The following RELCH variants were observed in gnomAD, a reference collection of about 807,000 sequenced individuals.
The protein encoded by RELCH is RAB11-binding protein RELCH.
Under a neutral mutation model 150.3 loss-of-function variants are expected in RELCH, and 41 were observed. The ratio of observed to expected loss-of-function variants is 0.27; its 90% CI spans 0.21 to 0.35. The LOEUF is 0.35. Ranked by LOEUF, RELCH falls within the 10% of genes least tolerant of loss-of-function variation. RELCH has a pLI of 1.00. For synonymous variants in RELCH, 478 were observed against 531.8 expected (o/e 0.90, Z 1.39); for missense variants, 1,092 against 1,467.8 (o/e 0.74, Z 4.18).
At chr18:62,252,051 A>G (rs1490262233) in intron 11 of RELCH, among the ~76,000 whole-genome samples, 4 of 151,766 alleles carry the variant, frequency 2.6e-5, no homozygotes, top group African/African-American at 9.7e-5. Context: ...GCTGGGGTGC[A>G]GTGGCGCTAT....
At chr18:62,218,107 T>C (rs1003413115) in intron 2 of RELCH, among the ~76,000 whole-genome samples, 2 of 151,912 alleles carry the variant, frequency 1.3e-5, no homozygotes, top group African/African-American at 4.8e-5. Context: ...CTTATGAAAA[T>C]TGAAAAGAGA....
chr18:62,217,302 A>AT (rs1171355052), intron 2 of RELCH, among the ~76,000 whole-genome samples: 4 of 151,974 alleles, frequency 2.6e-5, no homozygotes, highest in African/African-American at 9.7e-5. Flanking sequence ...TTTCTGTATG[A>AT]TTTTTCAGTC....
Position 62,187,294 on chromosome 18 carries a change from G to A in RELCH, c.-212G>A, listed in dbSNP as rs1023779421. On this transcript the variant is annotated 5_prime_UTR_variant, in exon 1 of 29. Coordinates refer to ENST00000644646, the MANE Select transcript of RELCH (RefSeq NM_001346231.2). ...TGGAGACCAGGAAGACGCCTGCAGA[G>A]CCGGGCTGCTGGTGCAGCAGAGGCT... 9 of 394,886 alleles carry A rather than the reference G, an allele frequency of 2.3e-5. No individual in the cohort carries two copies. The highest frequency in any genetic ancestry group is 4.0e-5 in the Non-Finnish European group (9 of 222,614). The allele number at this position is 394,886 out of a possible 1,614,324, so 24.5% of individuals were successfully genotyped here. A position where few individuals can be genotyped will look rare whatever the true frequency, so the allele number is the denominator to read the frequency against.
intron 5 of RELCH, among the ~76,000 whole-genome samples, chr18:62,225,869 A>G (rs1265277524): frequency 6.6e-6 from 1 of 151,828 alleles, no homozygotes; most frequent in Non-Finnish European, 1.5e-5. Flanking sequence ...TTTTATATAC[A>G]TTTAATTTAT....
intron 1 of RELCH, among the ~76,000 whole-genome samples, chr18:62,188,500 A>C (rs913705568): frequency 6.6e-6 from 1 of 152,228 alleles, no homozygotes; most frequent in Non-Finnish European, 1.5e-5. Flanking sequence ...AGATGTACTT[A>C]AGACCCTTTG....
intron 15 of RELCH, among the ~76,000 whole-genome samples, chr18:62,260,193 C>CAAAAAAAAAAAAAAAAAAAAAAAAAAAA (rs377119786): frequency 1.0e-5 from 1 of 95,810 alleles, no homozygotes; most frequent in African/African-American, 4.1e-5. Context: ...AACTCAACAG[C>CAAAAAAAAAAAAAAAAAAAAAAAAAAAA]AAAAAAAAAA....
intron 2 of RELCH, among the ~76,000 whole-genome samples, chr18:62,213,930 G>C (rs970505655): frequency 2.0e-4 from 30 of 151,994 alleles, no homozygotes; most frequent in African/African-American, 7.0e-4. Flanking sequence ...AATGCTTTTT[G>C]AGAGACAATG....
At chr18:62,278,840 A>G (rs2144915207) in intron 22 of RELCH, among the ~76,000 whole-genome samples, 1 of 152,284 alleles carries the variant, frequency 6.6e-6, no homozygotes, top group Non-Finnish European at 1.5e-5. Context: ...AGTTCTACTC[A>G]TCTTTTTTAT....
chr18:62,282,506 T>C, intron 25 of RELCH, 62 bp downstream of exon 25: 8 of 1,508,382 alleles, frequency 5.3e-6, no homozygotes, highest in Non-Finnish European at 7.3e-6. Context: ...TAGACACTCC[T>C]CTGAGGCCTT....
At chr18:62,302,940 C>T (rs2045730127) in intron 28 of RELCH, among the ~76,000 whole-genome samples, 1 of 152,120 alleles carries the variant, frequency 6.6e-6, no homozygotes, top group Non-Finnish European at 1.5e-5. Flanking sequence ...TGAAAACTTC[C>T]AGTGAGGATA....
At position 62,282,382 on chromosome 18, in the gene RELCH, C is replaced by T; in HGVS notation, c.3191C>T (p.Thr1064Ile). ...TATCAAGACCAACATTCTTTGCATA[C>T]AGAGATCATAAAAACATTTGGTAGA... Reference protein sequence around the residue: ...PQYQDQHSLHTEIIKTFGRVG... With the variant: ...PQYQDQHSLHIEIIKTFGRVG... The change falls in exon 25 of 29, where the codon ACA (threonine) becomes ATA (isoleucine). Residue 1064 changes from threonine to isoleucine, a missense_variant. Physicochemically the swap from Thr to Ile is moderately conservative, Grantham distance 89 (BLOSUM62 -1). Around this residue, in one of 4 missense-constraint regions of RELCH, gnomAD observed 707 missense variants for 1,025.4 expected, o/e 0.69. Coordinates refer to ENST00000644646, the MANE Select transcript of RELCH (RefSeq NM_001346231.2). The T allele has an allele frequency of 1.2e-6, 2 of 1,612,712 alleles. No individual in the cohort carries two copies. Among genetic ancestry groups the T allele is most frequent in the Non-Finnish European group, 8.5e-7 (1 of 1,179,338 alleles).
intron 19 of RELCH, 100 bp from the exon 20 acceptor site, chr18:62,268,769 C>A: frequency 1.8e-6 from 1 of 559,192 alleles, no homozygotes; most frequent in Non-Finnish European, 3.0e-6. Context: ...TTACTTGTAA[C>A]CTAGTAAACA....
intron 1 of RELCH, among the ~76,000 whole-genome samples, chr18:62,206,608 G>C (rs1210883548): frequency 6.6e-6 from 1 of 152,118 alleles, no homozygotes; most frequent in Non-Finnish European, 1.5e-5. Context: ...TATACTTTAA[G>C]TACTGTGTAA....
Position 62,221,257 on chromosome 18 carries a change from T to C in RELCH, c.727T>C (p.Ser243Pro). Reference protein sequence around the residue: ...VPLQERKNYKSSPEIQEPIKP... With the variant: ...VPLQERKNYKPSPEIQEPIKP... ...TTTACAGGAACGAAAAAATTACAAATCAAGTCCTGAAATTCAGGTGGGTGA... is the reference window on the plus strand; with the variant it reads ...TTTACAGGAACGAAAAAATTACAAACCAAGTCCTGAAATTCAGGTGGGTGA... The change falls in exon 4 of 29, where the codon TCA becomes CCA. Residue 243 changes from serine to proline, a missense_variant. Physicochemically the swap from Ser to Pro is moderately conservative, Grantham distance 74. Around this residue, in one of 4 missense-constraint regions of RELCH, gnomAD observed 190 missense variants for 276.2 expected, o/e 0.69. Coordinates refer to ENST00000644646, the MANE Select transcript of RELCH (RefSeq NM_001346231.2). 1 of 1,611,104 alleles carries C rather than the reference T, an allele frequency of 6.2e-7. No individual in the cohort carries two copies. Among genetic ancestry groups the C allele is most frequent in the South Asian group, 1.1e-5 (1 of 90,958 alleles).
At chr18:62,229,516 GTGTGTCTGTCTGTCTGTC>G (rs2041431425) in intron 8 of RELCH, among the ~76,000 whole-genome samples, 2 of 148,186 alleles carry the variant, frequency 1.3e-5, no homozygotes, top group African/African-American at 4.9e-5. Flanking sequence ...GTGTGTGTGT[GTGTGTCTGTCTGTCTGTC>G]TGTCTGTGTT....
intron 1 of RELCH, among the ~76,000 whole-genome samples, chr18:62,209,511 T>C (rs75296481): frequency 1.4e-3 from 210 of 152,322 alleles, no homozygotes; most frequent in Non-Finnish European, 2.0e-3. Flanking sequence ...ATGCCAAAAC[T>C]GTGCTGCCTT....
chr18:62,268,630 C>G (rs565724802), intron 19 of RELCH: 10 of 233,022 alleles, frequency 4.3e-5, no homozygotes, highest in African/African-American at 2.3e-4. Context: ...AAGAGTATAC[C>G]ATCTCATTTG....
chr18:62,258,421 A>T, intron 14 of RELCH, 91 bp from the exon 15 acceptor site: 1 of 1,138,696 alleles, frequency 8.8e-7, no homozygotes, highest in East Asian at 2.6e-5. Context: ...ATATGTTCTT[A>T]ATTTATTGAA....
intron 23 of RELCH, chr18:62,280,370 G>A (rs773651425): frequency 9.9e-6 from 16 of 1,613,628 alleles, no homozygotes; most frequent in Admixed American, 3.3e-5. Flanking sequence ...CTGACTCTTC[G>A]AGGCATGAGT....
Sources: gnomAD v4.1 joint callset for allele counts (sites outside exome capture counted in the v4.1 genomes callset) on GRCh38, gnomAD v4.1.1 for gene constraint, gnomAD v4.1.1 regional missense constraint, MANE v1.5 for transcripts, NCBI Gene and HGNC (gene_info 2026-07-23, HGNC 2026-07-21) for gene names.